ARHGAP21: variants seen among roughly 807,000 people sequenced by gnomAD.
ARHGAP21 encodes Rho GTPase activating protein 21, also known as rho GTPase-activating protein 21.
ARHGAP21 carries 38 observed loss-of-function variants against 164.6 expected under a neutral mutation model. The observed-to-expected ratio is 0.23, with a 90% confidence interval of 0.18 to 0.30. The LOEUF (loss-of-function observed/expected upper bound fraction) is 0.30. Among genes scored for constraint, ARHGAP21 ranks in the 10% least tolerant of loss-of-function variants. The pLI, the probability that ARHGAP21 is intolerant of heterozygous loss-of-function variation, is 1.00. For synonymous variants in ARHGAP21, 766 were observed against 857.9 expected (o/e 0.89, Z 1.87); for missense variants, 1,822 against 2,370.7 (o/e 0.77, Z 4.81).
intron 2 of ARHGAP21, among the ~76,000 whole-genome samples, chr10:24,675,547 T>C (rs1350653778): frequency 6.6e-6 from 1 of 152,172 alleles, no homozygotes; most frequent in African/African-American, 2.4e-5. Flanking sequence ...CTGTACAGTT[T>C]ACACATGTAC....
chr10:24,652,179 G>C (rs1399692787), intron 4 of ARHGAP21, among the ~76,000 whole-genome samples: 1 of 116,190 alleles, frequency 8.6e-6, no homozygotes, highest in South Asian at 2.7e-4. Flanking sequence ...TGGAACAGAA[G>C]CAAGTCTAGA....
intron 5 of ARHGAP21, among the ~76,000 whole-genome samples, chr10:24,634,660 T>C (rs1054741395): frequency 2.0e-5 from 3 of 152,224 alleles, no homozygotes; most frequent in Non-Finnish European, 2.9e-5. Flanking sequence ...AAATCCAAGA[T>C]TATTTCACTT....
chr10:24,628,802 T>A (rs1835405946), intron 7 of ARHGAP21, among the ~76,000 whole-genome samples: 1 of 99,392 alleles, frequency 1.0e-5, no homozygotes, highest in Non-Finnish European at 2.2e-5. Flanking sequence ...TATACACATA[T>A]ATACATATAT....
In ARHGAP21 at chr10:24,674,531, A is replaced by C. The variant is rs146868247; in HGVS notation, c.64-4134T>G. Among the ~76,000 whole-genome samples the C allele has an allele frequency of 1.5e-3, 232 of 150,388 alleles. 5 individuals are homozygous for C. In the East Asian group the frequency reaches 0.039, roughly 25 times the overall value. Reference sequence around the variant, plus strand: ...GCCAGACTCTGTCTCAAAACAAACAAACAAATTAGCCAGGTGTGGTGGTGC... The same window carrying C: ...GCCAGACTCTGTCTCAAAACAAACACACAAATTAGCCAGGTGTGGTGGTGC... On this transcript the variant is annotated intron_variant, in intron 2 of 25. Coordinates refer to ENST00000396432, the MANE Select transcript of ARHGAP21 (RefSeq NM_020824.4).
intron 25 of ARHGAP21, among the ~76,000 whole-genome samples, chr10:24,588,977 TTA>T (rs2076220401): frequency 6.6e-6 from 1 of 152,132 alleles, no homozygotes; most frequent in African/African-American, 2.4e-5. Context: ...GCTTCTCATT[TTA>T]TTATTCACTT....
At chr10:24,598,086 G>GT in intron 14 of ARHGAP21, 77 bp from the exon 15 acceptor site, 1 of 1,139,364 alleles carries the variant, frequency 8.8e-7, no homozygotes, top group Non-Finnish European at 1.3e-6. Flanking sequence ...GCTTTCTATT[G>GT]TACTGCTTTG....
rs764296996 is a variant in ARHGAP21 at position 24,620,538 on chromosome 10, T to C, written c.1357A>G (p.Ile453Val). The part of the protein sequence containing the change: ...SHDRVPQSVQ[I>V]RQRSVSQERL... ...TCTTGGGACACACTGCGTTGCCGTATCTGGACAGACTGGGGCACTCGATCA... is the reference window on the plus strand; with the variant it reads ...TCTTGGGACACACTGCGTTGCCGTACCTGGACAGACTGGGGCACTCGATCA... Residue 453 changes from isoleucine to valine, a missense_variant, in exon 9 of 26, where the codon ATA (isoleucine) becomes GTA (valine). Physicochemically the swap from Ile to Val is conservative, Grantham distance 29. This residue lies in a region of ARHGAP21 where 1,090 missense variants were observed against 1,378.9 expected (regional missense o/e 0.79). Transcript: ENST00000396432. 7 of 1,613,610 alleles carry C rather than the reference T, an allele frequency of 4.3e-6. No individual in the cohort carries two copies. The Admixed American group carries it at 5.0e-5, about 12-fold the overall frequency.
intron 4 of ARHGAP21, among the ~76,000 whole-genome samples, chr10:24,637,058 G>A (rs566342097): frequency 6.6e-6 from 1 of 152,256 alleles, no homozygotes; most frequent in East Asian, 1.9e-4. Flanking sequence ...TGGGCATTAT[G>A]ATCCTAAAAT....
chr10:24,669,599 C>T (rs1840507775), intron 3 of ARHGAP21, among the ~76,000 whole-genome samples: 1 of 152,182 alleles, frequency 6.6e-6, no homozygotes, highest in Non-Finnish European at 1.5e-5. Context: ...ATACCACCTG[C>T]TCCACAGGAT....
intron 4 of ARHGAP21, among the ~76,000 whole-genome samples, chr10:24,658,542 A>G (rs1198523862): frequency 6.6e-6 from 1 of 152,228 alleles, no homozygotes; most frequent in African/African-American, 2.4e-5. Context: ...ACGTCGATGA[A>G]GCTAGAAACC....
intron 2 of ARHGAP21, among the ~76,000 whole-genome samples, chr10:24,708,206 T>C (rs958130914): frequency 4.6e-5 from 7 of 152,170 alleles, no homozygotes; most frequent in African/African-American, 1.7e-4. Context: ...TTCGCCTTGG[T>C]GGCTGGTTTG....
At chr10:24,661,884 T>C (rs1446669479) in intron 4 of ARHGAP21, among the ~76,000 whole-genome samples, 1 of 152,248 alleles carries the variant, frequency 6.6e-6, no homozygotes, top group Non-Finnish European at 1.5e-5. Flanking sequence ...TAATTGTTGA[T>C]CAGGTTATTT....
intron 4 of ARHGAP21, among the ~76,000 whole-genome samples, chr10:24,659,084 G>C (rs548477672): frequency 6.6e-6 from 1 of 152,150 alleles, no homozygotes; most frequent in Non-Finnish European, 1.5e-5. Context: ...TTCATTGCTG[G>C]TGGAGACATA....
intron 9 of ARHGAP21, among the ~76,000 whole-genome samples, chr10:24,609,591 C>T (rs1218166367): frequency 6.6e-6 from 1 of 152,172 alleles, no homozygotes; most frequent in Non-Finnish European, 1.5e-5. Context: ...AACACAATTA[C>T]ATTACCTCAC....
Position 24,620,805 on chromosome 10 carries a change from G to C in ARHGAP21, c.1090C>G (p.Gln364Glu). 4 of 1,614,158 alleles carry C rather than the reference G, an allele frequency of 2.5e-6. No individual in the cohort carries two copies. The highest frequency in any genetic ancestry group is 3.4e-6 in the Non-Finnish European group (4 of 1,180,012). ...GATACAGAGGGAGCCTCCACAGCTT[G>C]AGATCTGCTGCTTGAGATTCCATCA... is the stretch of plus-strand genomic sequence containing the variant. The part of the protein sequence containing the change: ...HSDGISSSRS[Q>E]AVEAPSVSVN... Residue 364 changes from glutamine (Q) to glutamate (E), a missense_variant, in exon 9 of 26, where the codon CAA (glutamine) becomes GAA (glutamate). Gln to Glu is a conservative substitution (Grantham distance 29). Around this residue, in one of 5 missense-constraint regions of ARHGAP21, gnomAD observed 1,090 missense variants for 1,378.9 expected, o/e 0.79. Coordinates refer to ENST00000396432, the MANE Select transcript of ARHGAP21 (RefSeq NM_020824.4).
At chr10:24,648,689 A>T (rs951625552) in intron 4 of ARHGAP21, 1 of 519,574 alleles carries the variant, frequency 1.9e-6, no homozygotes, top group African/African-American at 2.1e-5. Context: ...CTGAGGCAGG[A>T]GAATTGCTTG....
At position 24,595,129 on chromosome 10, in the gene ARHGAP21, T is replaced by C. The variant is rs768428692; in HGVS notation, c.3774A>G (p.Thr1258=). Residue 1258 remains threonine (T), a synonymous_variant, in exon 20 of 26, where the codon ACA becomes ACG. Transcript: ENST00000396432. ...RKEDPLDRLK[T]LKRLIHDLPE... ...AAATAATACCTACTAGTCTTTTTAA[T>C]GTTTTCAGACGATCTAGAGGATCTT... 1.1e-5 allele frequency: 17 copies of C among 1,611,858 alleles called. No homozygotes were observed. The highest frequency in any genetic ancestry group is 1.4e-5 in the Non-Finnish European group (17 of 1,179,004).
Position 24,602,079 on chromosome 10 carries a change from C to G in ARHGAP21, c.2746G>C (p.Glu916Gln). The change falls in exon 13 of 26, where the codon GAA becomes CAA. Residue 916 changes from glutamate (E) to glutamine (Q), a missense_variant. Transcript: ENST00000396432. ...IKIADSQKSS[E>Q]DSGSRKDSSS... is the part of the protein sequence containing the mutation. The stretch of plus-strand genomic sequence containing the variant: ...GAATCTTTTCTGGACCCAGAGTCTT[C>G]TGATGACTTTTGGCTGTCTGCGATC... 6.2e-7 allele frequency: 1 copy of G among 1,613,418 alleles called. No homozygotes were observed. The highest frequency in any genetic ancestry group is 8.5e-7 in the Non-Finnish European group (1 of 1,179,852).
intron 2 of ARHGAP21, among the ~76,000 whole-genome samples, chr10:24,693,640 A>G (rs1842923877): frequency 6.6e-6 from 1 of 152,130 alleles, no homozygotes; most frequent in Non-Finnish European, 1.5e-5. Context: ...GGCGTGAGAC[A>G]CTGCGCCTGG....
Sources: gnomAD v4.1 joint callset for allele counts (sites outside exome capture counted in the v4.1 genomes callset) on GRCh38, gnomAD v4.1.1 for gene constraint, gnomAD v4.1.1 regional missense constraint, MANE v1.5 for transcripts, NCBI Gene and HGNC (gene_info 2026-07-23, HGNC 2026-07-21) for gene names.